Variants in RPL3L observed in about 807,000 individuals in gnomAD.
The protein encoded by RPL3L is ribosomal protein uL3-like.
RPL3L carries 44 observed loss-of-function variants against 44.5 expected under a neutral mutation model. The observed-to-expected ratio is 0.99, with a 90% CI of 0.78 to 1.27. The LOEUF is 1.27. Ranked by LOEUF, RPL3L falls within the 50% of genes most tolerant of loss-of-function variation. The probability of loss-of-function intolerance (pLI) is 0.00; values close to 1 mark genes in which losing one functional copy is unlikely to be tolerated. For synonymous variants in RPL3L, 292 were observed against 230.7 expected (o/e 1.27, Z -2.41); for missense variants, 631 against 569.1 (o/e 1.11, Z -1.11).
chr16:1,946,804 T>C (rs1025074919), intron 6 of RPL3L, 78 bp from the exon 7 acceptor site: 4 of 1,586,682 alleles, frequency 2.5e-6, no homozygotes, highest in South Asian at 2.2e-5. Flanking sequence ...TCCGCCCACA[T>C]GCTCAGACTC....
intron 4 of RPL3L, among the ~76,000 whole-genome samples, chr16:1,948,325 GTGATTCTCC>G (rs2083141228): frequency 6.6e-6 from 1 of 152,022 alleles, no homozygotes; most frequent in South Asian, 2.1e-4. Context: ...CCTGAATCAA[GTGATTCTCC>G]TGCCTCAGCT....
At chr16:1,953,538 T>G (rs2083185925) in intron 2 of RPL3L, among the ~76,000 whole-genome samples, 2 of 152,310 alleles carry the variant, frequency 1.3e-5, no homozygotes, top group South Asian at 4.1e-4. Context: ...TTCTTACAAC[T>G]ACTTGTGAAT....
chr16:1,953,903 C>G, intron 2 of RPL3L, 53 bp downstream of exon 2: 3 of 1,424,872 alleles, frequency 2.1e-6, no homozygotes, highest in Non-Finnish European at 2.8e-6. Context: ...TGGCTCCGAG[C>G]ATCTGGAAGG....
At chr16:1,949,957 T>G (rs1274030746) in intron 4 of RPL3L, among the ~76,000 whole-genome samples, 61 of 55,718 alleles carry the variant, frequency 1.1e-3, no homozygotes, top group Admixed American at 1.9e-3. Flanking sequence ...GGCAGGTATG[T>G]AAGGGGCAGG....
Position 1,945,887 on chromosome 16 carries a change from A to G in RPL3L, c.995T>C (p.Met332Thr). The G allele has an allele frequency of 1.9e-6, 3 of 1,613,794 alleles. No individual in the cohort carries two copies. The highest frequency in any genetic ancestry group is 1.7e-5 in the Admixed American group (1 of 59,990). The change falls in exon 8 of 10, where the codon ATG (methionine) becomes ACG (threonine). Residue 332 changes from methionine to threonine, a missense_variant. Transcript: ENST00000268661. The part of the protein sequence containing the change: ...HYGEVNNDFV[M>T]LKGCIAGTKK... The stretch of plus-strand genomic sequence containing the variant: ...GGTACCAGCAATACAACCCTTCAGC[A>G]TGACGAAGTCGTTGTTCACTTCCCC...
Position 1,944,819 on chromosome 16 carries a change from T to G in RPL3L, c.*18A>C, listed in dbSNP as rs749403290. The G allele has an allele frequency of 1.2e-6, 2 of 1,613,858 alleles. No individual in the cohort carries two copies. The highest frequency in any genetic ancestry group is 1.7e-6 in the Non-Finnish European group (2 of 1,179,968). On this transcript the variant is annotated 3_prime_UTR_variant, in exon 10 of 10. Transcript: ENST00000268661. ...CAGACAGTGCGGTGCGCTTCAGGGT[T>G]CATCCACCCCACACAGCCTACAAGT...
At position 1,947,017 on chromosome 16, in the gene RPL3L, C is replaced by T. The variant is rs761042306; in HGVS notation, c.770G>A (p.Trp257Ter). ...GLRKVACIGA[W>*]HPARVGCSIA... is the part of the protein sequence containing the mutation. ...GGAGCAGCCCACGCGGGCGGGGTGC[C>T]AGGCGCCAATGCAGGCCACCTTGCG... The change falls in exon 6 of 10, where the codon TGG (tryptophan) becomes TAG (stop). Residue 257 changes from tryptophan (W) to a stop codon, truncating the protein, a stop_gained. Coordinates refer to ENST00000268661, the MANE Select transcript of RPL3L (RefSeq NM_005061.3). LOFTEE classifies it high-confidence loss of function. 35 of 1,612,432 alleles carry T rather than the reference C, an allele frequency of 2.2e-5. No individual in the cohort carries two copies. In the South Asian group the frequency reaches 3.8e-4, roughly 18 times the overall value.
chr16:1,949,754 C>T (rs982922585), intron 4 of RPL3L, among the ~76,000 whole-genome samples: 3 of 43,264 alleles, frequency 6.9e-5, no homozygotes, highest in South Asian at 1.0e-3. Context: ...ATGTACGGGG[C>T]AGGTATGTAG....
chr16:1,954,605 C>A (rs747026130), intron 1 of RPL3L, 24 bp downstream of exon 1: 2 of 1,543,258 alleles, frequency 1.3e-6, no homozygotes, highest in Admixed American at 2.0e-5. Context: ...AACCCCAGCC[C>A]ACCCTCACCC....
intron 4 of RPL3L, among the ~76,000 whole-genome samples, chr16:1,948,227 A>C (rs796537067): frequency 1.4e-5 from 2 of 140,300 alleles, no homozygotes; most frequent in Admixed American, 1.5e-4. Context: ...GTGAGCCACC[A>C]CGCCCGGCCT....
rs1202147645 is a variant in RPL3L at position 1,950,145 on chromosome 16, AGGTATGTATGGGGTG to A, written c.501+684_501+698del. On this transcript the variant is annotated intron_variant, in intron 4 of 9. Transcript: ENST00000268661. ...TGTAGGGGGCAGGTATGGACAGGGC[AGGTATGTATGGGGTG>A]GGTATGTATGGGGTGGGTATGTATG... 1.8e-3 allele frequency among the ~76,000 whole-genome samples: 104 copies of A among 59,286 alleles called. 2 individuals carry two copies. Among genetic ancestry groups the A allele is most frequent in the African/African-American group, 7.1e-3 (90 of 12,740 alleles). 38.9% of individuals were successfully genotyped at this position (59,286 alleles called of 152,430 possible).
At chr16:1,951,037 T>C in intron 3 of RPL3L, 58 bp from the exon 4 acceptor site, 1 of 1,583,022 alleles carries the variant, frequency 6.3e-7, no homozygotes, top group South Asian at 1.1e-5. Context: ...TCCCCAGGCC[T>C]ATCCTGCCCC....
At position 1,945,556 on chromosome 16, in the gene RPL3L, G is replaced by T. The variant is rs1230316105; in HGVS notation, c.1110C>A (p.Thr370=). ...VENIELKFID[T]TSKFGHGRFQ... Reference sequence around the variant, plus strand: ...AGCGGCCATGGCCGAACTTGGAGGTGGTGTCAATGAACTTGAGCTCAATAT... The same window carrying T: ...AGCGGCCATGGCCGAACTTGGAGGTTGTGTCAATGAACTTGAGCTCAATAT... The change falls in exon 9 of 10, where the codon ACC becomes ACA. Residue 370 remains threonine, a synonymous_variant. Coordinates refer to ENST00000268661, the MANE Select transcript of RPL3L (RefSeq NM_005061.3). 1.9e-6 allele frequency: 3 copies of T among 1,613,816 alleles called. No individual in the cohort carries two copies. The highest frequency in any genetic ancestry group is 1.1e-5 in the South Asian group (1 of 91,072).
chr16:1,953,926 CCT>C lies in RPL3L; in HGVS notation c.196+28_196+29del, dbSNP rs1162992215. The C allele has an allele frequency of 2.0e-6, 3 of 1,472,680 alleles. No individual in the cohort carries two copies. In the African/African-American group the frequency reaches 4.3e-5, roughly 21 times the overall value. The allele number at this position is 1,472,680 out of a possible 1,614,324, so 91.2% of individuals were successfully genotyped here. On this transcript the variant is annotated intron_variant, in intron 2 of 9. Transcript: ENST00000268661. ...AGCATCTGGAAGGTTCAGCCCTCCC[CCT>C]CCCCCAAGGGTCCCAACTGTGACTC...
intron 4 of RPL3L, among the ~76,000 whole-genome samples, chr16:1,947,821 G>A (rs965925698): frequency 1.3e-5 from 2 of 152,168 alleles, no homozygotes; most frequent in Admixed American, 6.5e-5. Flanking sequence ...GAAAGTTGGT[G>A]GGACAGAGAG....
intron 3 of RPL3L, 132 bp downstream of exon 3, chr16:1,952,742 C>T: frequency 2.0e-6 from 2 of 1,018,048 alleles, no homozygotes; most frequent in Non-Finnish European, 2.9e-6. Context: ...GACACTCCTA[C>T]CTCCCACAGA....
At chr16:1,954,483 T>C in intron 1 of RPL3L, 146 bp downstream of exon 1, 1 of 953,274 alleles carries the variant, frequency 1.0e-6, no homozygotes, top group Non-Finnish European at 1.5e-6. Context: ...AGCCCAGCCC[T>C]CGTCCCCTTG....
intron 3 of RPL3L, 114 bp from the exon 4 acceptor site, chr16:1,951,093 G>GC: frequency 5.0e-6 from 7 of 1,393,932 alleles, no homozygotes; most frequent in Admixed American, 2.4e-5. Flanking sequence ...CTCTGGGACC[G>GC]CCCCCCACCC....
intron 4 of RPL3L, among the ~76,000 whole-genome samples, chr16:1,948,215 G>T (rs1171706373): frequency 6.6e-6 from 1 of 150,482 alleles, no homozygotes; most frequent in South Asian, 2.1e-4. Context: ...GGGATTACAG[G>T]CGTGAGCCAC....
Sources: gnomAD v4.1 joint callset for allele counts (sites outside exome capture counted in the v4.1 genomes callset) on GRCh38, gnomAD v4.1.1 for gene constraint, MANE v1.5 for transcripts, NCBI Gene and HGNC (gene_info 2026-07-23, HGNC 2026-07-21) for gene names.